Variants in PTPRN2 observed in about 807,000 individuals in gnomAD.
The protein encoded by PTPRN2 is receptor-type tyrosine-protein phosphatase N2.
In PTPRN2, 74 loss-of-function variants were observed where a neutral mutation model predicts 118.8. The observed-to-expected ratio is 0.62, with a 90% CI of 0.52 to 0.76. The LOEUF (loss-of-function observed/expected upper bound fraction) is 0.76, where lower values mean the gene tolerates loss of function less well. Ranked by LOEUF, PTPRN2 falls within the 30% of genes least tolerant of loss-of-function variation. PTPRN2 has a pLI of 0.00. For synonymous variants in PTPRN2, 641 were observed against 608.0 expected (o/e 1.05, Z -0.80); for missense variants, 1,481 against 1,394.4 (o/e 1.06, Z -0.99).
chr7:158,567,273 C>A (rs185382189), intron 1 of PTPRN2, among the ~76,000 whole-genome samples: 1 of 152,326 alleles, frequency 6.6e-6, no homozygotes, highest in African/African-American at 2.4e-5. Flanking sequence ...CACCTGTGTG[C>A]ACTTCCCACA....
intron 21 of PTPRN2, among the ~76,000 whole-genome samples, chr7:157,557,446 TCA>T (rs1431762351): frequency 6.6e-6 from 1 of 150,544 alleles, no homozygotes; most frequent in Admixed American, 6.6e-5. Context: ...CACACCCATA[TCA>T]CACACTCATA....
intron 12 of PTPRN2, among the ~76,000 whole-genome samples, chr7:157,882,524 AG>A (rs1319170070): frequency 2.0e-5 from 3 of 151,540 alleles, no homozygotes; most frequent in Non-Finnish European, 4.4e-5. Flanking sequence ...TGACTGTCAA[AG>A]ACCAGAACAT....
chr7:157,599,294 G>A (rs1316737593), intron 16 of PTPRN2, among the ~76,000 whole-genome samples: 4 of 152,220 alleles, frequency 2.6e-5, no homozygotes, highest in African/African-American at 9.7e-5. Flanking sequence ...ACAGGCATAA[G>A]CCACTGCGCC....
intron 2 of PTPRN2, among the ~76,000 whole-genome samples, chr7:158,372,365 G>C (rs1301281787): frequency 9.0e-6 from 1 of 110,618 alleles, no homozygotes; most frequent in African/African-American, 3.7e-5. Flanking sequence ...GACACCCCCA[G>C]GCTGGACCCC....
In PTPRN2 at chr7:158,555,399, C is replaced by T. The variant is rs1222843189; in HGVS notation, c.112+32159G>A. ...AAGCAGCATCCACGGCTCAGTGGTG[C>T]CCCTCGCCCCCACCGCTCTGCCCTG... On this transcript the variant is annotated intron_variant, in intron 1 of 22. Transcript: ENST00000389418. The surrounding 1 kb of genome is among the most constrained non-coding windows in gnomAD (Gnocchi z 4.7). Among the ~76,000 whole-genome samples the T allele has an allele frequency of 6.6e-6, 1 of 152,142 alleles. No individual in the cohort carries two copies.
At chr7:157,805,500 A>G (rs1487580622) in intron 12 of PTPRN2, among the ~76,000 whole-genome samples, 1 of 152,232 alleles carries the variant, frequency 6.6e-6, no homozygotes, top group African/African-American at 2.4e-5. Flanking sequence ...TTTTTAAAAC[A>G]TGCGAAGAAT....
rs747805764 is a variant in PTPRN2 at position 157,621,382 on chromosome 7, C to T, written c.2324G>A (p.Arg775His). The T allele has an allele frequency of 1.5e-5, 24 of 1,613,734 alleles. No homozygotes were observed. The highest frequency in any genetic ancestry group is 2.2e-5 in the South Asian group (2 of 91,072). The change falls in exon 15 of 23, where the codon CGC (arginine) becomes CAC (histidine). Residue 775 changes from arginine to histidine, a missense_variant. Physicochemically the swap from Arg to His is conservative, Grantham distance 29 (BLOSUM62 0). Coordinates refer to ENST00000389418, the MANE Select transcript of PTPRN2 (RefSeq NM_002847.5). Reference protein sequence around the residue: ...AQREENVPKNRSLAVLTYDHS... With the variant: ...AQREENVPKNHSLAVLTYDHS... ...CGTACAGGTCAGCACGGCCAGGGAG[C>T]GGTTCTTGGGCACGTTCTCCTCCCT... is the stretch of plus-strand genomic sequence containing the variant.
chr7:158,005,239 G>T (rs770763390), intron 11 of PTPRN2, among the ~76,000 whole-genome samples: 1 of 151,684 alleles, frequency 6.6e-6, no homozygotes, highest in Non-Finnish European at 1.5e-5. Context: ...CACACTTGGC[G>T]AATTTTGTAT....
chr7:157,677,610 A>G (rs1796729143), intron 13 of PTPRN2, among the ~76,000 whole-genome samples: 1 of 152,222 alleles, frequency 6.6e-6, no homozygotes, highest in South Asian at 2.1e-4. Context: ...ACTCATGGTG[A>G]AAAGGTATCT....
intron 12 of PTPRN2, among the ~76,000 whole-genome samples, chr7:157,770,520 C>A (rs772862584): frequency 2.6e-5 from 4 of 152,204 alleles, no homozygotes; most frequent in Non-Finnish European, 5.9e-5. Flanking sequence ...AATTTCTTTT[C>A]ATTTTCATTC....
At chr7:158,014,369 A>G (rs1806282555) in intron 11 of PTPRN2, among the ~76,000 whole-genome samples, 1 of 149,528 alleles carries the variant, frequency 6.7e-6, no homozygotes, top group African/African-American at 2.5e-5. Context: ...CCATACATCC[A>G]TCACTTTACC....
At chr7:157,580,866 C>A (rs369456766) in intron 17 of PTPRN2, among the ~76,000 whole-genome samples, 33 of 73,254 alleles carry the variant, frequency 4.5e-4, no homozygotes, top group East Asian at 6.0e-4. Context: ...ACACCCCAGC[C>A]CCTGCACACC....
In PTPRN2 at chr7:158,587,772, C is replaced by G; in HGVS notation, c.-103G>C. 3.0e-6 allele frequency: 3 copies of G among 1,014,610 alleles called. No homozygotes were observed. The highest frequency in any genetic ancestry group is 3.5e-6 in the Non-Finnish European group (3 of 848,190). The allele number at this position is 1,014,610 out of a possible 1,614,324, so 62.9% of individuals were successfully genotyped here. A position where few individuals can be genotyped will look rare whatever the true frequency, so the allele number is the denominator to read the frequency against. ...AGGCGCGCGCCGCCGGCTCCTCCCG[C>G]CGCGCCTCTCGCGCTCTTGCGGCGA... On this transcript the variant is annotated 5_prime_UTR_variant, in exon 1 of 23. Coordinates refer to ENST00000389418, the MANE Select transcript of PTPRN2 (RefSeq NM_002847.5).
intron 3 of PTPRN2, among the ~76,000 whole-genome samples, chr7:158,305,875 C>T (rs1246725250): frequency 6.6e-6 from 1 of 152,104 alleles, no homozygotes; most frequent in Non-Finnish European, 1.5e-5. Context: ...CATCTTAACT[C>T]ACCCTATTTC....
Position 157,811,567 on chromosome 7 carries a change from T to C in PTPRN2, c.1788+87106A>G, listed in dbSNP as rs546958085. ...CCCTGGCCAAATATACAGGATTTAA[T>C]GTCCTCAGCACCAGGCATCACACAG... On this transcript the variant is annotated intron_variant, in intron 12 of 22. Coordinates refer to ENST00000389418, the MANE Select transcript of PTPRN2 (RefSeq NM_002847.5). 8.5e-5 allele frequency among the ~76,000 whole-genome samples: 13 copies of C among 152,146 alleles called. No individual in the cohort carries two copies. The East Asian group carries it at 1.4e-3, about 16-fold the overall frequency.
In PTPRN2 at chr7:157,652,651, C is replaced by T. The variant is rs554576836; in HGVS notation, c.2196+3706G>A. ...CCCTCTTGTTCCACCTGCTGGGACA[C>T]CTTGACCAGGTAACTAAGTCCCTCC... On this transcript the variant is annotated intron_variant, in intron 14 of 22. Coordinates refer to ENST00000389418, the MANE Select transcript of PTPRN2 (RefSeq NM_002847.5). Among the ~76,000 whole-genome samples the T allele has an allele frequency of 6.6e-5, 10 of 152,302 alleles. No homozygotes were observed. The South Asian group carries it at 1.0e-3, about 16-fold the overall frequency.
At chr7:158,542,405 G>A (rs1361962099) in intron 1 of PTPRN2, among the ~76,000 whole-genome samples, 4 of 152,168 alleles carry the variant, frequency 2.6e-5, no homozygotes, top group Admixed American at 6.5e-5. Flanking sequence ...CGCCCACCTC[G>A]GCCTCCCAAA....
chr7:158,457,683 G>T (rs570731475), intron 2 of PTPRN2, among the ~76,000 whole-genome samples: 1 of 102,080 alleles, frequency 9.8e-6, no homozygotes, highest in Non-Finnish European at 2.0e-5. Context: ...GGCGAGCCTG[G>T]CCTGGGGGGA....
intron 11 of PTPRN2, among the ~76,000 whole-genome samples, chr7:157,902,760 A>C (rs1203472798): frequency 6.6e-6 from 1 of 152,218 alleles, no homozygotes; most frequent in East Asian, 1.9e-4. Flanking sequence ...TTTGTTCAAT[A>C]AATACAAGAT....
Sources: allele counts gnomAD v4.1 joint callset (sites outside exome capture counted in the v4.1 genomes callset), GRCh38; gene constraint gnomAD v4.1.1; non-coding constraint Gnocchi (gnomAD v3.1); transcripts MANE v1.5; gene names NCBI Gene and HGNC (gene_info 2026-07-23, HGNC 2026-07-21).